The following SPINK8 variants were observed in gnomAD, a reference collection of about 807,000 sequenced individuals.
SPINK8 encodes serine protease inhibitor Kazal-type 8.
A neutral mutation model predicts 14.4 loss-of-function variants in SPINK8; 12 were observed. That is an observed-to-expected ratio of 0.83 (90% confidence interval 0.53 to 1.35). SPINK8 has a LOEUF of 1.35. Ranked by LOEUF, SPINK8 falls within the 40% of genes most tolerant of loss-of-function variation. The pLI is 0.00. For missense variants in SPINK8, 103 were observed against 117.0 expected (o/e 0.88, Z 0.55); for synonymous variants, 32 against 37.6 (o/e 0.85, Z 0.55).
Position 48,306,981 on chromosome 3 carries a change from T to C in SPINK8, c.*11A>G. 6.2e-7 allele frequency: 1 copy of C among 1,613,004 alleles called. No individual in the cohort carries two copies. The highest frequency in any genetic ancestry group is 8.5e-7 in the Non-Finnish European group (1 of 1,179,406). ...GAGATTCAGTAGGTTTTATAATTCT[T>C]TGTCGTACGTTCAAGAGTTTTCCTG... On this transcript the variant is annotated 3_prime_UTR_variant, in exon 8 of 8. Coordinates refer to ENST00000434006, the MANE Select transcript of SPINK8 (RefSeq NM_001080525.3).
chr3:48,323,922 G>A (rs2107105015), intron 4 of SPINK8, among the ~76,000 whole-genome samples: 1 of 147,972 alleles, frequency 6.8e-6, no homozygotes, highest in Middle Eastern at 3.5e-3. Flanking sequence ...AAAAGTGTGA[G>A]TACTTCAACT....
Position 48,328,410 on chromosome 3 carries a change from C to T in SPINK8, c.-13-56G>A, listed in dbSNP as rs534373842. The stretch of plus-strand genomic sequence containing the variant: ...CAAACATCTATGCGAAGTACAAGTT[C>T]TCACAGAGATCCCTCACTGACCAGG... On this transcript the variant is annotated intron_variant, in intron 3 of 7. Transcript: ENST00000434006. 230 of 1,292,604 alleles carry T rather than the reference C, an allele frequency of 1.8e-4. No individual in the cohort carries two copies. In the African/African-American group the frequency reaches 3.1e-3, roughly 17 times the overall value. The allele number at this position is 1,292,604 out of a possible 1,614,324, so 80.1% of individuals were successfully genotyped here.
intron 1 of SPINK8, among the ~76,000 whole-genome samples, 114 bp downstream of exon 1, chr3:48,333,421 G>T (rs545789364): frequency 2.8e-4 from 42 of 152,258 alleles, no homozygotes; most frequent in African/African-American, 9.9e-4. Context: ...AGCACCCCTA[G>T]TCATTTTCTG....
chr3:48,307,360 C>T (rs2035861983), intron 7 of SPINK8, among the ~76,000 whole-genome samples: 1 of 151,494 alleles, frequency 6.6e-6, no homozygotes, highest in African/African-American at 2.4e-5. Flanking sequence ...TTCCCCTTCC[C>T]CTCTTTTCCC....
In SPINK8 at chr3:48,314,972, G is replaced by T. The variant is rs535636029; in HGVS notation, c.239+4525C>A. 5.3e-5 allele frequency among the ~76,000 whole-genome samples: 8 copies of T among 152,312 alleles called. No individual in the cohort carries two copies. In the South Asian group the frequency reaches 1.7e-3, roughly 32 times the overall value. On this transcript the variant is annotated intron_variant, in intron 6 of 7. Coordinates refer to ENST00000434006, the MANE Select transcript of SPINK8 (RefSeq NM_001080525.3). ...GCAAACATCCAGTGACCACTAAAGTGTAGCTTTAAACTGCCTGGTTGAGTA... is the reference window on the plus strand; with the variant it reads ...GCAAACATCCAGTGACCACTAAAGTTTAGCTTTAAACTGCCTGGTTGAGTA...
At position 48,319,411 on chromosome 3, in the gene SPINK8, T is replaced by C. The variant is rs555961457; in HGVS notation, c.239+86A>G. 7.4e-6 allele frequency: 11 copies of C among 1,485,216 alleles called. No homozygotes were observed. The African/African-American group carries it at 1.2e-4, about 17-fold the overall frequency. 92.0% of individuals were successfully genotyped at this position (1,485,216 alleles called of 1,614,324 possible). A position where few individuals can be genotyped will look rare whatever the true frequency, so the allele number is the denominator to read the frequency against. Reference sequence around the variant, plus strand: ...GGAGAGAAGGTCTCATTGGATGATGTAGGAAGTGGGCTGAGGTCATCACCC... The same window carrying C: ...GGAGAGAAGGTCTCATTGGATGATGCAGGAAGTGGGCTGAGGTCATCACCC... On this transcript the variant is annotated intron_variant, in intron 6 of 7. Coordinates refer to ENST00000434006, the MANE Select transcript of SPINK8 (RefSeq NM_001080525.3).
chr3:48,308,331 A>G (rs1195071456), intron 7 of SPINK8, among the ~76,000 whole-genome samples: 1 of 152,134 alleles, frequency 6.6e-6, no homozygotes, highest in Non-Finnish European at 1.5e-5. Context: ...GAATTACTTT[A>G]TAAAAGCAAT....
At position 48,310,751 on chromosome 3, in the gene SPINK8, G is replaced by A. The variant is rs149832499; in HGVS notation, c.240-805C>T. 9.9e-5 allele frequency among the ~76,000 whole-genome samples: 15 copies of A among 152,064 alleles called. No individual in the cohort carries two copies. In the East Asian group the frequency reaches 1.5e-3, roughly 16 times the overall value. On this transcript the variant is annotated intron_variant, in intron 6 of 7. Transcript: ENST00000434006. The stretch of plus-strand genomic sequence containing the variant: ...TGACCTCAGGTGATCCACCCGCTTC[G>A]GCCTCCCAAAGTGCAGGGATTACAG...
In SPINK8 at chr3:48,309,944, A is replaced by G; in HGVS notation, c.242T>C (p.Phe81Ser). Residue 81 changes from phenylalanine to serine, a missense_variant and splice_region_variant, in exon 7 of 8, where the codon TTT becomes TCT. Transcript: ENST00000434006. Reference sequence around the variant, plus strand: ...CAGTTTAGTTATGTTAAGCCCTTCAAATCTGAAAGAAATTATATTTTAAAA... The same window carrying G: ...CAGTTTAGTTATGTTAAGCCCTTCAGATCTGAAAGAAATTATATTTTAAAA... Reference protein sequence around the residue: ...SDCHLCSKILFEGLNITKLYD... With the variant: ...SDCHLCSKILSEGLNITKLYD... The G allele has an allele frequency of 7.0e-7, 1 of 1,422,270 alleles. No homozygotes were observed. The highest frequency in any genetic ancestry group is 3.5e-5 in the Admixed American group (1 of 28,916). 88.1% of individuals were successfully genotyped at this position (1,422,270 alleles called of 1,614,324 possible). A position where few individuals can be genotyped will look rare whatever the true frequency, so the allele number is the denominator to read the frequency against.
chr3:48,331,477 G>T (rs1031946241), intron 2 of SPINK8, among the ~76,000 whole-genome samples: 2 of 152,116 alleles, frequency 1.3e-5, no homozygotes, highest in African/African-American at 2.4e-5. Context: ...TTTCTGTACA[G>T]CCAATGATAA....
chr3:48,320,992 C>T, intron 5 of SPINK8, 33 bp downstream of exon 5: 2 of 1,574,446 alleles, frequency 1.3e-6, no homozygotes, highest in Non-Finnish European at 1.7e-6. Context: ...TCTCCCCATT[C>T]CTGTTATTAG....
chr3:48,321,185 C>G (rs2036069593), intron 4 of SPINK8, 111 bp from the exon 5 acceptor site: 2 of 1,041,258 alleles, frequency 1.9e-6, no homozygotes, highest in African/African-American at 1.6e-5. Context: ...CAAACCCCAT[C>G]AGAAGAGGCT....
chr3:48,333,301 C>A (rs150979059), intron 1 of SPINK8, among the ~76,000 whole-genome samples: 2 of 152,048 alleles, frequency 1.3e-5, no homozygotes, highest in Admixed American at 6.6e-5. Flanking sequence ...GAATATAAGT[C>A]GTTTCTTTCT....
At chr3:48,314,583 T>C (rs1381188331) in intron 6 of SPINK8, among the ~76,000 whole-genome samples, 1 of 152,156 alleles carries the variant, frequency 6.6e-6, no homozygotes, top group Non-Finnish European at 1.5e-5. Flanking sequence ...ACCAGAGAAT[T>C]GTCATTATTT....
intron 6 of SPINK8, among the ~76,000 whole-genome samples, chr3:48,311,079 A>C (rs1421206903): frequency 1.2e-5 from 1 of 84,668 alleles, no homozygotes; most frequent in African/African-American, 3.9e-5. Context: ...AGAGCGTTTC[A>C]AAAAAAAAAT....
intron 6 of SPINK8, among the ~76,000 whole-genome samples, chr3:48,312,474 C>A (rs913298234): frequency 7.9e-5 from 12 of 152,064 alleles, no homozygotes; most frequent in Admixed American, 5.2e-4. Flanking sequence ...GAAACCCAAT[C>A]TCTATTAAAA....
chr3:48,332,179 A>T (rs1471454192), intron 2 of SPINK8, among the ~76,000 whole-genome samples, 187 bp downstream of exon 2: 1 of 152,186 alleles, frequency 6.6e-6, no homozygotes, highest in Non-Finnish European at 1.5e-5. Flanking sequence ...GAGCCTCCAA[A>T]GTCCACTTGC....
At chr3:48,310,031 A>C in intron 6 of SPINK8, 85 bp from the exon 7 acceptor site, 1 of 1,260,212 alleles carries the variant, frequency 7.9e-7, no homozygotes, top group Non-Finnish European at 1.0e-6. Context: ...ATCTTTGGCT[A>C]AGTTTGGGAA....
At chr3:48,319,414 G>A in intron 6 of SPINK8, 83 bp downstream of exon 6, 1 of 1,497,212 alleles carries the variant, frequency 6.7e-7, no homozygotes, top group South Asian at 1.2e-5. Context: ...GATGATGTAG[G>A]AAGTGGGCTG....
Sources: gnomAD v4.1 joint callset for allele counts (sites outside exome capture counted in the v4.1 genomes callset) on GRCh38, gnomAD v4.1.1 for gene constraint, MANE v1.5 for transcripts, NCBI Gene and HGNC (gene_info 2026-07-23, HGNC 2026-07-21) for gene names.